DHX37: variants seen among roughly 807,000 people sequenced by gnomAD.
DHX37 encodes probable ATP-dependent RNA helicase DHX37.
In DHX37, 52 loss-of-function variants were observed where a neutral mutation model predicts 134.3. The observed-to-expected ratio is 0.39, with a 90% confidence interval of 0.31 to 0.49. DHX37 has a LOEUF of 0.49. Among genes scored for constraint, DHX37 ranks in the 20% least tolerant of loss-of-function variants. DHX37 has a pLI of 0.93. For synonymous variants in DHX37, 634 were observed against 670.7 expected (o/e 0.95, Z 0.85); for missense variants, 1,344 against 1,580.8 (o/e 0.85, Z 2.54).
chr12:124,968,898 C>T lies in DHX37; in HGVS notation c.1262G>A (p.Arg421Gln), dbSNP rs1432038825. ...LRVEDFTQNP[R>Q]LFAKPPPVIK... ...GACCGGCGGCGGCTTGGCGAAGAGC[C>T]GTGGGTTCTGGGTGAAGTCCTCCAC... The change falls in exon 9 of 27, where the codon CGG becomes CAG. Residue 421 changes from arginine to glutamine, a missense_variant. Arg to Gln is a conservative substitution (Grantham distance 43). Coordinates refer to ENST00000308736, the MANE Select transcript of DHX37 (RefSeq NM_032656.4). The T allele has an allele frequency of 6.8e-6, 11 of 1,613,928 alleles. No homozygotes were observed. The highest frequency in any genetic ancestry group is 1.6e-4 in the Middle Eastern group (1 of 6,084).
chr12:124,971,425 G>A lies in DHX37; in HGVS notation c.1078-10C>T. 1 of 1,612,238 alleles carries A rather than the reference G, an allele frequency of 6.2e-7. No individual in the cohort carries two copies. Among genetic ancestry groups the A allele is most frequent in the Non-Finnish European group, 8.5e-7 (1 of 1,179,632 alleles). On this transcript the variant is annotated splice_polypyrimidine_tract_variant and intron_variant, in intron 7 of 26. Coordinates refer to ENST00000308736, the MANE Select transcript of DHX37 (RefSeq NM_032656.4). ...GCAGCAGCAGGAAGTCCTGGGGGGA[G>A]GTCCGGGGTGAGGCCCACCCTTCCA...
chr12:124,970,036 G>C lies in DHX37; in HGVS notation c.1192-1068C>G, dbSNP rs147842870. On this transcript the variant is annotated intron_variant, in intron 8 of 26. Transcript: ENST00000308736. ...CACCCAGGCTGGAGTGCAGTGGCGC[G>C]ATCGCGGCTCACTGCAAGCTCCACC... Among the ~76,000 whole-genome samples, 589 of 152,328 alleles carry C rather than the reference G, an allele frequency of 3.9e-3. 4 individuals are homozygous for C. The highest frequency in any genetic ancestry group is 6.8e-3 in the Middle Eastern group (2 of 294).
At chr12:124,960,749 T>A (rs1396816883) in intron 15 of DHX37, among the ~76,000 whole-genome samples, 1 of 151,708 alleles carries the variant, frequency 6.6e-6, no homozygotes, top group African/African-American at 2.4e-5. Flanking sequence ...AGGTCAGGAG[T>A]TCAAGACCAG....
At position 124,949,304 on chromosome 12, in the gene DHX37, C is replaced by A. The variant is rs1953928699; in HGVS notation, c.3290+682G>T. ...CCTGGCACCTGCCTGCACCTTCAGG[C>A]CTGCCTCCAGTGCCCCAAGCCCCTG... On this transcript the variant is annotated intron_variant, in intron 25 of 26. Transcript: ENST00000308736. This position sits in a 1 kb window ranked among gnomAD's most constrained non-coding sequence, Gnocchi z 4.0. Among the ~76,000 whole-genome samples, 1 of 152,180 alleles carries A rather than the reference C, an allele frequency of 6.6e-6. No individual in the cohort carries two copies. Among genetic ancestry groups the A allele is most frequent in the African/African-American group, 2.4e-5 (1 of 41,434 alleles).
At chr12:124,982,853 C>T (rs1954784808) in intron 2 of DHX37, among the ~76,000 whole-genome samples, 2 of 152,120 alleles carry the variant, frequency 1.3e-5, no homozygotes, top group African/African-American at 4.8e-5. Context: ...TTCTCTGCAG[C>T]AGGGTATCAC....
intron 12 of DHX37, 47 bp from the exon 13 acceptor site, chr12:124,965,859 G>A (rs1707269550): frequency 5.0e-6 from 8 of 1,589,244 alleles, no homozygotes; most frequent in Non-Finnish European, 6.9e-6. Context: ...GATCCTGGGT[G>A]TGAGGACGTG....
chr12:124,978,706 C>T (rs1424533071), intron 4 of DHX37, among the ~76,000 whole-genome samples: 1 of 151,136 alleles, frequency 6.6e-6, no homozygotes, highest in Admixed American at 6.6e-5. Flanking sequence ...CAGAGGACTG[C>T]TTGAGGTCAG....
In DHX37 at chr12:124,980,911, C is replaced by A. The variant is rs1954746846; in HGVS notation, c.390-73G>T. 6.7e-7 allele frequency: 1 copy of A among 1,481,698 alleles called. No homozygotes were observed. The highest frequency in any genetic ancestry group is 2.5e-5 in the East Asian group (1 of 40,360). The allele number at this position is 1,481,698 out of a possible 1,614,324, so 91.8% of individuals were successfully genotyped here. Reference sequence around the variant, plus strand: ...CAGAGGTCAGGACTCCAAGGCCATACCCCTTTCTGCCTCAGGGACTTTGCA... The same window carrying A: ...CAGAGGTCAGGACTCCAAGGCCATAACCCTTTCTGCCTCAGGGACTTTGCA... On this transcript the variant is annotated intron_variant, in intron 3 of 26. Transcript: ENST00000308736. This position sits in a 1 kb window ranked among gnomAD's most constrained non-coding sequence, Gnocchi z 5.3.
intron 6 of DHX37, among the ~76,000 whole-genome samples, chr12:124,974,769 C>T (rs997677949): frequency 6.6e-6 from 1 of 151,184 alleles, no homozygotes; most frequent in Admixed American, 6.7e-5. Context: ...ACAGACTTAC[C>T]GCCTGAAGAT....
At chr12:124,953,719 T>A in intron 20 of DHX37, 161 bp downstream of exon 20, 1 of 1,270,490 alleles carries the variant, frequency 7.9e-7, no homozygotes, top group Non-Finnish European at 1.1e-6. Context: ...CATTCCCTTG[T>A]TCCTGGAAAA....
At position 124,950,738 on chromosome 12, in the gene DHX37, A is replaced by G; in HGVS notation, c.2935T>C (p.Phe979Leu). Residue 979 changes from phenylalanine to leucine, a missense_variant, in exon 22 of 27, where the codon TTT becomes CTT. Phe to Leu is a conservative substitution (Grantham distance 22). Coordinates refer to ENST00000308736, the MANE Select transcript of DHX37 (RefSeq NM_032656.4). The stretch of plus-strand genomic sequence containing the variant: ...TCCACGATTTCCTGGTAGACCACAA[A>G]CTCGGGGAGCTCTTTGAAAAGGACG... ...SSVLFKELPE[F>L]VVYQEIVETT... The G allele has an allele frequency of 6.2e-7, 1 of 1,610,568 alleles. No homozygotes were observed. Among genetic ancestry groups the G allele is most frequent in the Non-Finnish European group, 8.5e-7 (1 of 1,179,104 alleles).
At position 124,966,828 on chromosome 12, in the gene DHX37, T is replaced by G. The variant is rs375453027; in HGVS notation, c.1555A>C (p.Lys519Gln). 9 of 1,614,098 alleles carry G rather than the reference T, an allele frequency of 5.6e-6. No homozygotes were observed. The African/African-American group carries it at 9.3e-5, about 17-fold the overall frequency. The change falls in exon 12 of 27, where the codon AAG becomes CAG. Residue 519 changes from lysine (K) to glutamine (Q), a missense_variant. Lys to Gln is a moderately conservative substitution (Grantham distance 53). Around this residue, in one of 7 missense-constraint regions of DHX37, gnomAD observed 289 missense variants for 323.8 expected, o/e 0.89. Transcript: ENST00000308736. Reference protein sequence around the residue: ...DSVEEMRKFKKSRARAKKARA... With the variant: ...DSVEEMRKFKQSRARAKKARA... ...GCCTTCTTGGCCCTGGCCCTTGACT[T>G]CTTAAACTTCCGCATTTCCTCCACC...
At chr12:124,979,654 G>T (rs1207737050) in intron 4 of DHX37, among the ~76,000 whole-genome samples, 1 of 152,178 alleles carries the variant, frequency 6.6e-6, no homozygotes. Flanking sequence ...GACAGGATAC[G>T]AATAGGGAAA....
chr12:124,961,798 G>C (rs961039036), intron 15 of DHX37, among the ~76,000 whole-genome samples: 2 of 152,134 alleles, frequency 1.3e-5, no homozygotes, highest in Non-Finnish European at 2.9e-5. Context: ...GATCTGAATA[G>C]GCAGTTCCCT....
chr12:124,975,905 A>G (rs1277425746), intron 5 of DHX37, among the ~76,000 whole-genome samples: 1 of 152,202 alleles, frequency 6.6e-6, no homozygotes, highest in Admixed American at 6.5e-5. Context: ...AAGGCTGCTG[A>G]CGGGGCTGGC....
intron 7 of DHX37, 133 bp downstream of exon 7, chr12:124,972,370 A>G: frequency 1.1e-6 from 1 of 880,744 alleles, no homozygotes; most frequent in Non-Finnish European, 1.9e-6. Flanking sequence ...AACTCACCCA[A>G]AGTCACACAG....
At chr12:124,957,747 A>G (rs145020272) in intron 16 of DHX37, among the ~76,000 whole-genome samples, 2 of 152,140 alleles carry the variant, frequency 1.3e-5, no homozygotes, top group Non-Finnish European at 2.9e-5. Context: ...AGATCACACC[A>G]CTGTACTCCA....
intron 2 of DHX37, among the ~76,000 whole-genome samples, chr12:124,984,602 T>C (rs148102875): frequency 1.3e-5 from 2 of 150,706 alleles, no homozygotes; most frequent in East Asian, 3.9e-4. Context: ...AAACAACAAA[T>C]AAACTACAAT....
In DHX37 at chr12:124,964,974, C is replaced by T. The variant is rs757715894; in HGVS notation, c.1768G>A (p.Val590Met). The T allele has an allele frequency of 1.1e-5, 17 of 1,599,510 alleles. No homozygotes were observed. The highest frequency in any genetic ancestry group is 4.6e-5 in the South Asian group (4 of 87,718). The part of the protein sequence containing the change: ...EQPDASLPLH[V>M]LPLYSLLAPE... ...GCCAGCAGAGAGTACAGCGGGAGCA[C>T]GTGGAGCGGGAGGGAGGCATCCGGC... Residue 590 changes from valine to methionine, a missense_variant, in exon 14 of 27, where the codon GTG becomes ATG. By Grantham distance (21) the Val-to-Met change is conservative. Coordinates refer to ENST00000308736, the MANE Select transcript of DHX37 (RefSeq NM_032656.4).
Sources: allele counts gnomAD v4.1 joint callset (sites outside exome capture counted in the v4.1 genomes callset), GRCh38; gene constraint gnomAD v4.1.1; regional missense constraint gnomAD v4.1.1; non-coding constraint Gnocchi (gnomAD v3.1); transcripts MANE v1.5; gene names NCBI Gene and HGNC (gene_info 2026-07-23, HGNC 2026-07-21).